Variants in CFAP54 observed in about 807,000 individuals in gnomAD.
CFAP54 encodes cilia- and flagella-associated protein 54.
CFAP54 carries 290 observed loss-of-function variants against 370.4 expected under a neutral mutation model. That is an observed-to-expected ratio of 0.78 (90% confidence interval 0.71 to 0.86). CFAP54 has a LOEUF of 0.86. Ranked by LOEUF, CFAP54 falls within the 40% of genes least tolerant of loss-of-function variation. The pLI, the probability that CFAP54 is intolerant of heterozygous loss-of-function variation, is 0.00. For missense variants in CFAP54, 3,399 were observed against 3,528.7 expected (o/e 0.96, Z 0.93); for synonymous variants, 1,206 against 1,236.5 (o/e 0.98, Z 0.52).
intron 67 of CFAP54, among the ~76,000 whole-genome samples, chr12:96,865,200 G>A (rs1234823243): frequency 6.6e-6 from 1 of 152,156 alleles, no homozygotes; most frequent in Non-Finnish European, 1.5e-5. Flanking sequence ...TATCCATCAG[G>A]TGGAATGGAT....
chr12:96,765,040 C>A, intron 59 of CFAP54, 37 bp from the exon 60 acceptor site: 1 of 1,336,926 alleles, frequency 7.5e-7, no homozygotes, highest in Non-Finnish European at 9.8e-7. Flanking sequence ...AATTAGAAAG[C>A]TTATATTTAT....
chr12:96,516,828 A>G (rs1035415060), intron 5 of CFAP54, among the ~76,000 whole-genome samples: 3 of 152,160 alleles, frequency 2.0e-5, no homozygotes, highest in Non-Finnish European at 4.4e-5. Context: ...TTTAAGTCCT[A>G]ACTTTGAAAT....
chr12:96,782,199 G>A (rs1958586623), intron 60 of CFAP54, among the ~76,000 whole-genome samples: 1 of 151,954 alleles, frequency 6.6e-6, no homozygotes, highest in South Asian at 2.1e-4. Context: ...AATTACAAGT[G>A]GGAAAACATG....
intron 64 of CFAP54, among the ~76,000 whole-genome samples, chr12:96,815,303 C>T (rs1346112688): frequency 6.6e-6 from 1 of 151,958 alleles, no homozygotes; most frequent in Non-Finnish European, 1.5e-5. Context: ...CTCTAATGAC[C>T]AGTGATGATG....
intron 26 of CFAP54, among the ~76,000 whole-genome samples, chr12:96,612,816 G>A (rs1002138525): frequency 6.6e-6 from 1 of 152,150 alleles, no homozygotes; most frequent in African/African-American, 2.4e-5. Flanking sequence ...AACAAGAAGA[G>A]CTAACTATCC....
intron 26 of CFAP54, among the ~76,000 whole-genome samples, chr12:96,608,864 G>A (rs1956327621): frequency 6.6e-6 from 1 of 152,072 alleles, no homozygotes; most frequent in Non-Finnish European, 1.5e-5. Context: ...GAGAAAAAAT[G>A]GCTAATTTTC....
At chr12:96,637,380 G>A (rs1956673838) in intron 32 of CFAP54, among the ~76,000 whole-genome samples, 1 of 152,120 alleles carries the variant, frequency 6.6e-6, no homozygotes, top group Non-Finnish European at 1.5e-5. Flanking sequence ...CTTTGGTTTA[G>A]ACATATTTTC....
intron 45 of CFAP54, among the ~76,000 whole-genome samples, chr12:96,698,741 A>C (rs1957461092): frequency 1.3e-5 from 2 of 152,334 alleles, no homozygotes; most frequent in South Asian, 4.1e-4. Flanking sequence ...ACTTGTCACC[A>C]GTAGAGGGCT....
chr12:96,649,457 C>T (rs1233926439), intron 34 of CFAP54, among the ~76,000 whole-genome samples: 1 of 152,082 alleles, frequency 6.6e-6, no homozygotes, highest in Non-Finnish European at 1.5e-5. Flanking sequence ...CTTTTTTATG[C>T]CACACCAGGA....
rs2371380 is a variant in CFAP54 at position 96,856,675 on chromosome 12, G to T, written c.9172-4144G>T. ...GTCAAAGCCATTCAACAAGTCTCTAGGAACTTCCAAACTTTCTCACATCTT... is the reference window on the plus strand; with the variant it reads ...GTCAAAGCCATTCAACAAGTCTCTATGAACTTCCAAACTTTCTCACATCTT... On this transcript the variant is annotated intron_variant, in intron 66 of 67. Coordinates refer to ENST00000524981, the MANE Select transcript of CFAP54 (RefSeq NM_001306084.2). Among the ~76,000 whole-genome samples the T allele has an allele frequency of 6.6e-5, 10 of 152,066 alleles. No homozygotes were observed. The South Asian group carries it at 1.2e-3, about 19-fold the overall frequency.
intron 35 of CFAP54, 27 bp downstream of exon 35, chr12:96,650,099 G>A: frequency 4.5e-6 from 7 of 1,549,892 alleles, no homozygotes; most frequent in East Asian, 2.3e-5. Flanking sequence ...TGTTTGCAGT[G>A]TAGTAGACAT....
chr12:96,543,709 T>C (rs1429037524), intron 14 of CFAP54, among the ~76,000 whole-genome samples: 1 of 152,188 alleles, frequency 6.6e-6, no homozygotes. Context: ...GCACTAATAC[T>C]CTAGGATCCC....
intron 67 of CFAP54, among the ~76,000 whole-genome samples, chr12:96,874,642 T>TTTTTTTTTTTTTTG: frequency 1.1e-5 from 1 of 87,396 alleles, no homozygotes. Flanking sequence ...ATTTTTTTTT[T>TTTTTTTTTTTTTTG]TTTTTGAGAC....
At chr12:96,738,608 CTTTTTT>C (rs71068829) in intron 50 of CFAP54, among the ~76,000 whole-genome samples, 3 of 129,222 alleles carry the variant, frequency 2.3e-5, no homozygotes, top group Non-Finnish European at 3.2e-5. Context: ...TCTAAATCTC[CTTTTTT>C]TTTTTTTTTT....
Position 96,834,352 on chromosome 12 carries a change from A to G in CFAP54, c.9171+5264A>G, listed in dbSNP as rs570910212. 3.9e-5 allele frequency among the ~76,000 whole-genome samples: 6 copies of G among 152,330 alleles called. No homozygotes were observed. In the South Asian group the frequency reaches 1.2e-3, roughly 32 times the overall value. ...CTTTGCCCAAGTTTTGCTCAGGCCC[A>G]CTGAGCTTGTTCTGCCCAATGGCAG... On this transcript the variant is annotated intron_variant, in intron 66 of 67. Coordinates refer to ENST00000524981, the MANE Select transcript of CFAP54 (RefSeq NM_001306084.2).
intron 60 of CFAP54, among the ~76,000 whole-genome samples, chr12:96,769,019 T>A (rs1190661163): frequency 6.6e-6 from 1 of 152,158 alleles, no homozygotes; most frequent in Admixed American, 6.5e-5. Context: ...GTAAGAGAGT[T>A]AAAGTGATGC....
At chr12:96,824,779 G>C (rs1176515183) in intron 65 of CFAP54, among the ~76,000 whole-genome samples, 1 of 152,088 alleles carries the variant, frequency 6.6e-6, no homozygotes, top group Non-Finnish European at 1.5e-5. Context: ...TTCCAGTGCA[G>C]TTCACTTTTA....
Position 96,521,985 on chromosome 12 carries a change from T to C in CFAP54, c.1056+15T>C, listed in dbSNP as rs1565883361. The C allele has an allele frequency of 6.5e-7, 1 of 1,528,450 alleles. No individual in the cohort carries two copies. The highest frequency in any genetic ancestry group is 1.2e-5 in the South Asian group (1 of 83,690). 94.7% of individuals were successfully genotyped at this position (1,528,450 alleles called of 1,614,324 possible). ...CCACAATGAAGGTATAAAAATTTCA[T>C]GAAATAAAAGAAATTTACCACACTC... On this transcript the variant is annotated intron_variant, in intron 7 of 67. Coordinates refer to ENST00000524981, the MANE Select transcript of CFAP54 (RefSeq NM_001306084.2).
At chr12:96,552,318 T>C (rs1480052292) in intron 15 of CFAP54, among the ~76,000 whole-genome samples, 2 of 151,080 alleles carry the variant, frequency 1.3e-5, no homozygotes, top group Non-Finnish European at 3.0e-5. Context: ...GTACAATACA[T>C]TGCAGCATAT....
Sources: allele counts gnomAD v4.1 joint callset (sites outside exome capture counted in the v4.1 genomes callset), GRCh38; gene constraint gnomAD v4.1.1; transcripts MANE v1.5; gene names NCBI Gene and HGNC (gene_info 2026-07-23, HGNC 2026-07-21).